Variants in ST6GALNAC5 observed in about 807,000 individuals in gnomAD.
The protein encoded by ST6GALNAC5 is ST6 N-acetylgalactosaminide alpha-2,6-sialyltransferase 5.
In ST6GALNAC5, 27 loss-of-function variants were observed where a neutral mutation model predicts 33.6. The observed-to-expected ratio is 0.80, with a 90% CI of 0.59 to 1.11. The LOEUF (loss-of-function observed/expected upper bound fraction) is 1.11, where lower values mean the gene tolerates loss of function less well. Among genes scored for constraint, ST6GALNAC5 ranks in the 50% least tolerant of loss-of-function variants. ST6GALNAC5 has a pLI of 0.00. For missense variants in ST6GALNAC5, 428 were observed against 454.0 expected, an observed-to-expected ratio of 0.94 and a Z score of 0.52; for synonymous variants, 194 against 171.2, an observed-to-expected ratio of 1.13 and a Z score of -1.04.
chr1:76,999,564 T>C (rs1570073829), intron 2 of ST6GALNAC5, among the ~76,000 whole-genome samples: 1 of 151,438 alleles, frequency 6.6e-6, no homozygotes, highest in Non-Finnish European at 1.5e-5. Context: ...TATGTATACA[T>C]GTGCCATGCT....
chr1:76,885,286 A>G (rs1012961544), intron 2 of ST6GALNAC5, among the ~76,000 whole-genome samples: 23 of 152,164 alleles, frequency 1.5e-4, no homozygotes, highest in African/African-American at 5.6e-4. Flanking sequence ...TTGAAAATGA[A>G]ATTTTGTTCC....
At chr1:77,001,392 G>A (rs755005642) in intron 2 of ST6GALNAC5, among the ~76,000 whole-genome samples, 370 of 124,416 alleles carry the variant, frequency 3.0e-3, no homozygotes, top group Admixed American at 5.8e-3. Flanking sequence ...GAGATTTTGG[G>A]CTGAGACAAT....
chr1:76,985,744 T>C (rs999076448), intron 2 of ST6GALNAC5, among the ~76,000 whole-genome samples: 2 of 152,206 alleles, frequency 1.3e-5, no homozygotes, highest in Non-Finnish European at 2.9e-5. Context: ...TCATGCTACC[T>C]GACTTCAAAC....
intron 3 of ST6GALNAC5, among the ~76,000 whole-genome samples, chr1:77,045,548 T>C (rs980921843): frequency 6.6e-6 from 1 of 152,242 alleles, no homozygotes; most frequent in Non-Finnish European, 1.5e-5. Flanking sequence ...AATGTATTTT[T>C]CACTATAGGT....
At chr1:76,902,129 A>G (rs60942910) in intron 2 of ST6GALNAC5, among the ~76,000 whole-genome samples, 5,725 of 152,238 alleles carry the variant, frequency 0.038, 248 homozygotes, top group African/African-American at 0.11. Context: ...GAAAGTTTTA[A>G]AGAATACACC....
rs1474368130 is a variant in ST6GALNAC5 at position 76,867,590 on chromosome 1, C to T, written c.-86C>T. 2 of 1,607,332 alleles carry T rather than the reference C, an allele frequency of 1.2e-6. No individual in the cohort carries two copies. Among genetic ancestry groups the T allele is most frequent in the Non-Finnish European group, 1.7e-6 (2 of 1,174,100 alleles). ...TGGGCAAAAATCAGAGCCGCCTCCGCCCCATTACCCATCATGGAAACCCTC... is the reference window on the plus strand; with the variant it reads ...TGGGCAAAAATCAGAGCCGCCTCCGTCCCATTACCCATCATGGAAACCCTC... On this transcript the variant is annotated 5_prime_UTR_variant, in exon 1 of 5. Transcript: ENST00000477717.
At chr1:77,014,959 C>G (rs1180953874) in intron 2 of ST6GALNAC5, among the ~76,000 whole-genome samples, 4 of 151,994 alleles carry the variant, frequency 2.6e-5, no homozygotes, top group Non-Finnish European at 5.9e-5. Flanking sequence ...TGAGAACTTG[C>G]CATGTGCTAA....
chr1:77,014,888 A>G (rs1435678126), intron 2 of ST6GALNAC5, among the ~76,000 whole-genome samples: 1 of 152,200 alleles, frequency 6.6e-6, no homozygotes, highest in Non-Finnish European at 1.5e-5. Context: ...TAAAAACTGT[A>G]TTTTGTAGCA....
intron 2 of ST6GALNAC5, among the ~76,000 whole-genome samples, chr1:77,014,504 C>G (rs1650751710): frequency 1.3e-5 from 2 of 152,194 alleles, no homozygotes; most frequent in Admixed American, 1.3e-4. Context: ...TAGAATGATC[C>G]AAGCAGTGAA....
Position 77,026,503 on chromosome 1 carries a change from G to A in ST6GALNAC5, c.262-17701G>A, listed in dbSNP as rs566917009. Among the ~76,000 whole-genome samples, 11 of 150,062 alleles carry A rather than the reference G, an allele frequency of 7.3e-5. No individual in the cohort carries two copies. The South Asian group carries it at 2.3e-3, about 31-fold the overall frequency. ...CACTGGCTTGTGGAGGTGTCATTGA[G>A]AGGGGTTCAGAGGGCTAAGCTTACC... On this transcript the variant is annotated intron_variant, in intron 2 of 4. Coordinates refer to ENST00000477717, the MANE Select transcript of ST6GALNAC5 (RefSeq NM_030965.3).
intron 2 of ST6GALNAC5, among the ~76,000 whole-genome samples, chr1:76,877,184 G>T (rs1653662605): frequency 6.6e-6 from 1 of 152,184 alleles, no homozygotes. Context: ...TCTGCAGATG[G>T]CAGGGCCTTG....
intron 2 of ST6GALNAC5, among the ~76,000 whole-genome samples, chr1:76,953,719 C>G (rs1210719622): frequency 6.6e-6 from 1 of 151,958 alleles, no homozygotes; most frequent in Non-Finnish European, 1.5e-5. Flanking sequence ...TCTAAGAACT[C>G]TTTACTTAGA....
At chr1:77,027,292 A>T (rs139615858) in intron 2 of ST6GALNAC5, among the ~76,000 whole-genome samples, 45 of 152,342 alleles carry the variant, frequency 3.0e-4, no homozygotes, top group African/African-American at 1.1e-3. Context: ...ACCAAGTCTC[A>T]GAGCACCTAC....
rs1652714300 is a variant in ST6GALNAC5 at position 77,064,618 on chromosome 1, G to A, written c.*1412G>A. On this transcript the variant is annotated 3_prime_UTR_variant, in exon 5 of 5. Transcript: ENST00000477717. ...ATTCCCTGGTCTGAAGGAGTATAAA[G>A]GACTTATTTTATTCAGAGCCAAGAT... is the stretch of plus-strand genomic sequence containing the variant. 1 of 152,050 alleles carries A rather than the reference G, an allele frequency of 6.6e-6. No homozygotes were observed. Among genetic ancestry groups the A allele is most frequent in the Non-Finnish European group, 1.5e-5 (1 of 67,988 alleles). 9.4% of individuals were successfully genotyped at this position (152,050 alleles called of 1,614,324 possible).
intron 2 of ST6GALNAC5, among the ~76,000 whole-genome samples, chr1:76,937,713 C>A (rs187147730): frequency 2.8e-4 from 43 of 152,182 alleles, no homozygotes; most frequent in African/African-American, 9.9e-4. Flanking sequence ...CTGATGTTAG[C>A]CCCATTGTTA....
At chr1:77,034,438 C>T (rs1010092298) in intron 2 of ST6GALNAC5, among the ~76,000 whole-genome samples, 1 of 152,146 alleles carries the variant, frequency 6.6e-6, no homozygotes, top group Non-Finnish European at 1.5e-5. Flanking sequence ...ACCTCTGTTT[C>T]TAGATAAGAT....
rs867331810 is a variant in ST6GALNAC5 at position 76,914,797 on chromosome 1, T to C, written c.261+46055T>C. On this transcript the variant is annotated intron_variant, in intron 2 of 4. Transcript: ENST00000477717. ...TAGGCATGGGCAAGGACTTCATGAC[T>C]AAAACACCAAAAGCAATGGCAACAA... Among the ~76,000 whole-genome samples the C allele has an allele frequency of 2.8e-3, 430 of 152,244 alleles. 2 individuals are homozygous for C. The highest frequency in any genetic ancestry group is 9.7e-3 in the African/African-American group (401 of 41,546).
chr1:77,003,911 G>T (rs1469382416), intron 2 of ST6GALNAC5, among the ~76,000 whole-genome samples: 1 of 137,454 alleles, frequency 7.3e-6, no homozygotes, highest in Admixed American at 7.4e-5. Context: ...CTTTCTCTCT[G>T]GCTGCCCTTA....
At chr1:76,940,384 T>C (rs1428888671) in intron 2 of ST6GALNAC5, among the ~76,000 whole-genome samples, 2 of 152,098 alleles carry the variant, frequency 1.3e-5, no homozygotes, top group Non-Finnish European at 2.9e-5. Flanking sequence ...GCCTAGTAAG[T>C]AAAACTGACA....
Sources: allele counts gnomAD v4.1 joint callset (sites outside exome capture counted in the v4.1 genomes callset), GRCh38; gene constraint gnomAD v4.1.1; transcripts MANE v1.5; gene names NCBI Gene and HGNC (gene_info 2026-07-23, HGNC 2026-07-21).